The following DIAPH2 variants were observed in gnomAD, a reference collection of about 807,000 sequenced individuals.
DIAPH2 encodes the protein protein diaphanous homolog 2.
DIAPH2 carries 35 observed loss-of-function variants against 92.7 expected under a neutral mutation model. The observed-to-expected ratio is 0.38, with a 90% CI of 0.29 to 0.50. The LOEUF (loss-of-function observed/expected upper bound fraction) is 0.50. Ranked by LOEUF, DIAPH2 falls within the 20% of genes least tolerant of loss-of-function variation. DIAPH2 has a pLI of 0.94. For synonymous variants in DIAPH2, 301 were observed against 280.4 expected, an observed-to-expected ratio of 1.07 and a Z score of -0.73; for missense variants, 701 against 819.5, an observed-to-expected ratio of 0.86 and a Z score of 1.77.
At chrX:97,595,223 T>G (rs1340699931) in intron 26 of DIAPH2, among the ~76,000 whole-genome samples, 1 of 111,684 alleles carries the variant, frequency 9.0e-6, no homozygotes, top group Admixed American at 9.5e-5. Context: ...TCCAGGTATT[T>G]TGTGGATGAT....
chrX:97,240,257 A>G (rs1303032779), intron 22 of DIAPH2, among the ~76,000 whole-genome samples: 1 of 111,379 alleles, frequency 9.0e-6, no homozygotes, highest in Non-Finnish European at 1.9e-5. Flanking sequence ...CTAAAATTCC[A>G]TGTACCCTGT....
chrX:97,537,372 G>A (rs2071104551), intron 26 of DIAPH2, among the ~76,000 whole-genome samples: 1 of 111,857 alleles, frequency 8.9e-6, no homozygotes, highest in Admixed American at 9.5e-5. Context: ...TGTCTATTGG[G>A]CAATCATGAT....
intron 26 of DIAPH2, among the ~76,000 whole-genome samples, chrX:97,440,317 C>T (rs776946009): frequency 4.5e-5 from 5 of 111,456 alleles, no homozygotes; most frequent in East Asian, 2.8e-4. Context: ...ATGGGCCAGG[C>T]GCAGTTGCTC....
chrX:97,187,328 A>G (rs2067616010), intron 22 of DIAPH2, among the ~76,000 whole-genome samples: 1 of 70,592 alleles, frequency 1.4e-5, no homozygotes, highest in African/African-American at 5.9e-5. Context: ...TCTGTTGCCC[A>G]GGCTGGAGTG....
chrX:97,235,619 AAAAAG>A (rs1385409464), intron 22 of DIAPH2, among the ~76,000 whole-genome samples: 14 of 109,368 alleles, frequency 1.3e-4, no homozygotes, highest in African/African-American at 4.0e-4. Flanking sequence ...AAAAAAAAAA[AAAAAG>A]AAAGAAATTT....
chrX:97,602,260 C>T lies in DIAPH2; in HGVS notation c.*2943C>T, dbSNP rs1402769870. On this transcript the variant is annotated 3_prime_UTR_variant, in exon 27 of 27. Transcript: ENST00000324765. The stretch of plus-strand genomic sequence containing the variant: ...ATCCTAACATTACCAAAAGTCTCAA[C>T]CCATTATATCAATCCTAAGTCCAAA... 1 of 112,051 alleles carries T rather than the reference C, an allele frequency of 8.9e-6. No individual in the cohort carries two copies. The allele number at this position is 112,051 out of a possible 1,213,427, so 9.2% of individuals were successfully genotyped here. A position where few individuals can be genotyped will look rare whatever the true frequency, so the allele number is the denominator to read the frequency against.
At chrX:96,965,035 T>G in intron 16 of DIAPH2, 58 bp from the exon 17 acceptor site, 1 of 1,097,250 alleles carries the variant, frequency 9.1e-7, no homozygotes, top group Non-Finnish European at 1.2e-6. Flanking sequence ...GTTAGTTCCT[T>G]GAAAATTTAA....
At chrX:97,240,423 A>G (rs1025133648) in intron 22 of DIAPH2, among the ~76,000 whole-genome samples, 2 of 110,754 alleles carry the variant, frequency 1.8e-5, no homozygotes, top group East Asian at 5.7e-4. Flanking sequence ...TGGCTAACAC[A>G]GTGAAACCCC....
intron 1 of DIAPH2, among the ~76,000 whole-genome samples, chrX:96,729,921 G>A (rs1441716520): frequency 2.7e-5 from 3 of 112,102 alleles, no homozygotes; most frequent in African/African-American, 9.7e-5. Flanking sequence ...CAATGGCAAA[G>A]TAAGGTGGAG....
At chrX:96,952,266 G>A (rs1020016353) in intron 15 of DIAPH2, among the ~76,000 whole-genome samples, 2 of 111,501 alleles carry the variant, frequency 1.8e-5, no homozygotes, top group African/African-American at 6.5e-5. Flanking sequence ...CACTTTAGTT[G>A]TATGTATGTA....
chrX:97,576,087 G>A (rs1046569771), intron 26 of DIAPH2, among the ~76,000 whole-genome samples: 1 of 111,232 alleles, frequency 9.0e-6, no homozygotes, highest in African/African-American at 3.3e-5. Flanking sequence ...CTGGGATCTG[G>A]GGGCTGGACA....
chrX:97,032,402 C>T (rs1020959021), intron 17 of DIAPH2, among the ~76,000 whole-genome samples: 18 of 111,339 alleles, frequency 1.6e-4, no homozygotes, highest in African/African-American at 5.9e-4. Flanking sequence ...TTTTACATTA[C>T]TCAAATTACT....
chrX:97,397,968 C>A (rs1370376176), intron 25 of DIAPH2, among the ~76,000 whole-genome samples: 1 of 112,341 alleles, frequency 8.9e-6, no homozygotes, highest in Non-Finnish European at 1.9e-5. Flanking sequence ...ACAGGAGTAG[C>A]TGTAGGTGCA....
chrX:97,360,368 C>G (rs1451458932), intron 24 of DIAPH2, among the ~76,000 whole-genome samples: 1 of 109,709 alleles, frequency 9.1e-6, no homozygotes, highest in Non-Finnish European at 1.9e-5. Flanking sequence ...AATCCCAGCA[C>G]TTTGGGAGGC....
chrX:96,815,340 G>C (rs1409806259), intron 4 of DIAPH2, among the ~76,000 whole-genome samples: 1 of 111,779 alleles, frequency 8.9e-6, no homozygotes, highest in Non-Finnish European at 1.9e-5. Flanking sequence ...AGCCAGGCGC[G>C]GGATATAATC....
intron 22 of DIAPH2, among the ~76,000 whole-genome samples, chrX:97,168,557 T>C: frequency 9.0e-6 from 1 of 111,373 alleles, no homozygotes; most frequent in East Asian, 2.8e-4. Context: ...GTAGTGTGGA[T>C]ATGGCAGTGA....
intron 17 of DIAPH2, among the ~76,000 whole-genome samples, chrX:96,978,641 ATAT>A (rs1031833262): frequency 7.2e-5 from 8 of 110,681 alleles, no homozygotes; most frequent in African/African-American, 1.3e-4. Context: ...GTTGTGAATA[ATAT>A]TAATTATTAA....
intron 13 of DIAPH2, among the ~76,000 whole-genome samples, chrX:96,943,385 A>G (rs2065718378): frequency 9.0e-6 from 1 of 111,366 alleles, no homozygotes; most frequent in African/African-American, 3.3e-5. Context: ...AAGTGAGGGT[A>G]TGAACTTTCA....
At chrX:96,692,546 T>C (rs1488013793) in intron 1 of DIAPH2, among the ~76,000 whole-genome samples, 1 of 112,184 alleles carries the variant, frequency 8.9e-6, no homozygotes, top group Non-Finnish European at 1.9e-5. Context: ...TTAAGTTCAC[T>C]TCTGTCTTTA....
Sources: allele counts gnomAD v4.1 joint callset (sites outside exome capture counted in the v4.1 genomes callset), GRCh38; gene constraint gnomAD v4.1.1; transcripts MANE v1.5; gene names NCBI Gene and HGNC (gene_info 2026-07-23, HGNC 2026-07-21).